Variants in CLCN3 observed in about 807,000 individuals in gnomAD.
The protein encoded by CLCN3 is H(+)/Cl(-) exchange transporter 3.
Under a neutral mutation model 83.4 loss-of-function variants are expected in CLCN3, and 16 were observed. That is an observed-to-expected ratio of 0.19 (90% confidence interval 0.13 to 0.29). The LOEUF is 0.29. CLCN3 is among the 10% of genes least tolerant of loss of function. CLCN3 has a pLI of 1.00. For synonymous variants in CLCN3, 322 were observed against 346.2 expected (o/e 0.93, Z 0.78); for missense variants, 544 against 1,006.0 (o/e 0.54, Z 6.21).
Position 169,695,647 on chromosome 4 carries a change from A to G in CLCN3, c.972A>G (p.Val324=). 6.2e-7 allele frequency: 1 copy of G among 1,613,800 alleles called. No homozygotes were observed. Among genetic ancestry groups the G allele is most frequent in the Non-Finnish European group, 8.5e-7 (1 of 1,179,828 alleles). ...CTGCCTCAGCTGCAGGGGTTTCTGT[A>G]GCTTTTGGTGCACCAATTGGAGGAG... The part of the protein sequence containing the change: ...LSAASAAGVS[V]AFGAPIGGVL... Residue 324 remains valine, a synonymous_variant, in exon 8 of 13, where the codon GTA becomes GTG. Coordinates refer to ENST00000513761, the MANE Select transcript of CLCN3 (RefSeq NM_001829.4).
At chr4:169,640,309 T>C (rs1488580648) in intron 2 of CLCN3, among the ~76,000 whole-genome samples, 1 of 152,228 alleles carries the variant, frequency 6.6e-6, no homozygotes, top group African/African-American at 2.4e-5. Context: ...ATATGACATC[T>C]GGATTAGGAT....
intron 3 of CLCN3, among the ~76,000 whole-genome samples, chr4:169,683,025 A>T (rs1164466811): frequency 3.3e-5 from 5 of 152,218 alleles, no homozygotes. Flanking sequence ...CCTAGATCAG[A>T]CACACTATAA....
At chr4:169,630,569 C>T (rs1250597956) in intron 1 of CLCN3, among the ~76,000 whole-genome samples, 1 of 151,558 alleles carries the variant, frequency 6.6e-6, no homozygotes, top group Non-Finnish European at 1.5e-5. Flanking sequence ...CTTGTTCTGT[C>T]GCCCAGGCTG....
intron 8 of CLCN3, among the ~76,000 whole-genome samples, chr4:169,696,923 C>T (rs1212543397): frequency 6.6e-6 from 1 of 151,574 alleles, no homozygotes. Flanking sequence ...ATGTGAAACT[C>T]ATTTTGAATA....
chr4:169,692,442 G>A, intron 7 of CLCN3, 122 bp downstream of exon 7: 3 of 415,638 alleles, frequency 7.2e-6, no homozygotes, highest in South Asian at 1.5e-4. Flanking sequence ...TTTGAGATTT[G>A]TGCTTCTGTT....
At chr4:169,684,195 A>G (rs368735174) in intron 3 of CLCN3, among the ~76,000 whole-genome samples, 1 of 152,280 alleles carries the variant, frequency 6.6e-6, no homozygotes. Context: ...CTATTTCAGT[A>G]TTTTACAAAA....
At chr4:169,653,655 A>AT (rs1301653866) in intron 2 of CLCN3, among the ~76,000 whole-genome samples, 1 of 151,018 alleles carries the variant, frequency 6.6e-6, no homozygotes, top group East Asian at 1.9e-4. Context: ...AAAAAAAAAA[A>AT]AAAAAAGGAA....
At position 169,723,430 on chromosome 4, in the gene CLCN3, A is replaced by C. The variant is rs1378500017; in HGVS notation, c.*3433A>C. On this transcript the variant is annotated 3_prime_UTR_variant, in exon 13 of 13. Coordinates refer to ENST00000513761, the MANE Select transcript of CLCN3 (RefSeq NM_001829.4). Reference sequence around the variant, plus strand: ...GTTTAGCGCCCCCATTTGTCAGTGAAAGCTGCAGGTCCACAGAAAACTGAT... The same window carrying C: ...GTTTAGCGCCCCCATTTGTCAGTGACAGCTGCAGGTCCACAGAAAACTGAT... 1 of 152,194 alleles carries C rather than the reference A, an allele frequency of 6.6e-6. No individual in the cohort carries two copies. The highest frequency in any genetic ancestry group is 1.5e-5 in the Non-Finnish European group (1 of 68,032). The allele number at this position is 152,194 out of a possible 1,614,324, so 9.4% of individuals were successfully genotyped here.
At chr4:169,713,953 A>G (rs56398350) in intron 12 of CLCN3, among the ~76,000 whole-genome samples, 17,867 of 152,178 alleles carry the variant, frequency 0.12, 1,151 homozygotes, top group East Asian at 0.17. Flanking sequence ...ATGAACTGCC[A>G]GTGTTTCTCC....
intron 1 of CLCN3, among the ~76,000 whole-genome samples, chr4:169,624,530 A>AAGTGTTG (rs1288474149): frequency 1.3e-5 from 2 of 152,108 alleles, no homozygotes; most frequent in South Asian, 4.1e-4. Context: ...CGGCATCCCA[A>AAGTGTTG]AGTGTTGGGA....
At chr4:169,663,160 T>C (rs1731118308) in intron 2 of CLCN3, 1 of 146,036 alleles carries the variant, frequency 6.8e-6, no homozygotes, top group Admixed American at 6.8e-5. Context: ...TATATATATG[T>C]GTGTGTGTGC....
In CLCN3 at chr4:169,621,064, G is replaced by A; in HGVS notation, c.-17+1G>A. 2.5e-6 allele frequency: 1 copy of A among 397,266 alleles called. No individual in the cohort carries two copies. The highest frequency in any genetic ancestry group is 4.4e-6 in the Non-Finnish European group (1 of 225,772). 24.6% of individuals were successfully genotyped at this position (397,266 alleles called of 1,614,324 possible). ...TTTTGCTATGTCTCTGAGCTGCGAG[G>A]TGAGTTGCATTGTATGAGCGAAGAG... On this transcript the variant is annotated splice_donor_variant, in intron 1 of 12. Transcript: ENST00000513761. LOFTEE classifies it low-confidence loss of function (5UTR_SPLICE).
intron 2 of CLCN3, among the ~76,000 whole-genome samples, chr4:169,651,548 A>G (rs1428618811): frequency 6.6e-6 from 1 of 152,196 alleles, no homozygotes; most frequent in Non-Finnish European, 1.5e-5. Context: ...CATATCACCT[A>G]CACACATCCT....
intron 3 of CLCN3, among the ~76,000 whole-genome samples, chr4:169,686,507 C>A (rs1182244122): frequency 6.6e-6 from 1 of 151,772 alleles, no homozygotes; most frequent in Non-Finnish European, 1.5e-5. Context: ...ACCTCCGCCT[C>A]CCGGTTTCAA....
chr4:169,643,270 G>A (rs1581199279), intron 2 of CLCN3: 1 of 152,264 alleles, frequency 6.6e-6, no homozygotes, highest in East Asian at 1.9e-4. Flanking sequence ...TGCTCTTGTT[G>A]CCCAAGCTGG....
At chr4:169,677,464 A>G (rs937991409) in intron 2 of CLCN3, among the ~76,000 whole-genome samples, 5 of 152,196 alleles carry the variant, frequency 3.3e-5, no homozygotes, top group African/African-American at 4.8e-5. Flanking sequence ...AGCCTAAAAT[A>G]TTTACTCTCT....
Position 169,667,465 on chromosome 4 carries a change from T to C in CLCN3, c.161-12585T>C, listed in dbSNP as rs538504820. Among the ~76,000 whole-genome samples, 32 of 152,234 alleles carry C rather than the reference T, an allele frequency of 2.1e-4. No individual in the cohort carries two copies. The South Asian group carries it at 6.0e-3, about 29-fold the overall frequency. On this transcript the variant is annotated intron_variant, in intron 2 of 12. Coordinates refer to ENST00000513761, the MANE Select transcript of CLCN3 (RefSeq NM_001829.4). ...CTTGATCTTTATAAAGTTCCCTGTCTCTGGAAAAACTAAAATAAGGCAAAA... is the reference window on the plus strand; with the variant it reads ...CTTGATCTTTATAAAGTTCCCTGTCCCTGGAAAAACTAAAATAAGGCAAAA...
chr4:169,704,737 T>C (rs1378905199), intron 10 of CLCN3, among the ~76,000 whole-genome samples: 1 of 152,214 alleles, frequency 6.6e-6, no homozygotes, highest in Non-Finnish European at 1.5e-5. Flanking sequence ...AGTACTTGAG[T>C]CTATTTAATG....
chr4:169,718,547 T>G (rs1329154332), intron 12 of CLCN3, among the ~76,000 whole-genome samples: 1 of 152,244 alleles, frequency 6.6e-6, no homozygotes, highest in African/African-American at 2.4e-5. Flanking sequence ...TGGAACGCTA[T>G]AAGCAGCTTT....
Sources: gnomAD v4.1 joint callset for allele counts (sites outside exome capture counted in the v4.1 genomes callset) on GRCh38, gnomAD v4.1.1 for gene constraint, MANE v1.5 for transcripts, NCBI Gene and HGNC (gene_info 2026-07-23, HGNC 2026-07-21) for gene names.